Variants in MB21D2 observed in about 807,000 individuals in gnomAD.
MB21D2 encodes Mab-21 domain containing 2.
A neutral mutation model predicts 33.3 loss-of-function variants in MB21D2; 9 were observed. The observed-to-expected ratio is 0.27, with a 90% CI of 0.16 to 0.47. The LOEUF (loss-of-function observed/expected upper bound fraction) is 0.47, where lower values mean the gene tolerates loss of function less well. MB21D2 is among the 20% of genes least tolerant of loss of function. MB21D2 has a pLI of 0.99. For synonymous variants in MB21D2, 241 were observed against 236.3 expected, an observed-to-expected ratio of 1.02 and a Z score of -0.18; for missense variants, 540 against 624.6, an observed-to-expected ratio of 0.86 and a Z score of 1.44.
intron 1 of MB21D2, among the ~76,000 whole-genome samples, chr3:192,902,824 C>A (rs926541354): frequency 1.3e-5 from 2 of 152,210 alleles, no homozygotes; most frequent in Non-Finnish European, 2.9e-5. Flanking sequence ...CAGGCCGGTC[C>A]TATAGTCCAG....
chr3:192,810,782 T>C (rs1711767428), intron 1 of MB21D2, among the ~76,000 whole-genome samples: 1 of 152,282 alleles, frequency 6.6e-6, no homozygotes, highest in Admixed American at 6.5e-5. Flanking sequence ...CTAAAGACTT[T>C]TTAAGTATAA....
At chr3:192,892,195 T>C (rs1402690837) in intron 1 of MB21D2, among the ~76,000 whole-genome samples, 1 of 152,194 alleles carries the variant, frequency 6.6e-6, no homozygotes, top group Non-Finnish European at 1.5e-5. Flanking sequence ...CCACTGCCCG[T>C]GAGGCAGGGT....
rs1168606825 is a variant in MB21D2, at chr3:192,917,799, C to T, written c.42G>A (p.Leu14=). The T allele has an allele frequency of 6.2e-7, 1 of 1,612,756 alleles. No individual in the cohort carries two copies. The highest frequency in any genetic ancestry group is 1.7e-5 in the Admixed American group (1 of 60,020). The change falls in exon 1 of 2, where the codon CTG becomes CTA. Residue 14 remains leucine (L), a synonymous_variant. Transcript: ENST00000392452. Reference sequence around the variant, plus strand: ...GGAACGCAGGCTTGTTGTTACAGCCCAGGGAGGCTGCCTTGTTGGCGGTGG... The same window carrying T: ...GGAACGCAGGCTTGTTGTTACAGCCTAGGGAGGCTGCCTTGTTGGCGGTGG... ...AAPTANKAAS[L]GCNNKPAFPE... is the part of the protein sequence containing the mutation.
At position 192,798,484 on chromosome 3, in the gene MB21D2, G is replaced by C. The variant is rs1317673621; in HGVS notation, c.1378C>G (p.Gln460Glu). 6.2e-7 allele frequency: 1 copy of C among 1,614,064 alleles called. No individual in the cohort carries two copies. Among genetic ancestry groups the C allele is most frequent in the African/African-American group, 1.3e-5 (1 of 74,918 alleles). The change falls in exon 2 of 2, where the codon CAG becomes GAG. Residue 460 changes from glutamine (Q) to glutamate (E), a missense_variant. Gln to Glu is a conservative substitution (Grantham distance 29). Transcript: ENST00000392452. The surrounding 1 kb of genome is among the most constrained non-coding windows in gnomAD (Gnocchi z 4.8). ...TTTCCCGGGTTCTCAGTCACTAGCTGCTGCAGTTTTTTTGCCAAACGGTCA... is the reference window on the plus strand; with the variant it reads ...TTTCCCGGGTTCTCAGTCACTAGCTCCTGCAGTTTTTTTGCCAAACGGTCA... ...PDDRLAKKLQQLVTENPGKSI... is the reference protein window; with the variant it reads ...PDDRLAKKLQELVTENPGKSI...
intron 1 of MB21D2, among the ~76,000 whole-genome samples, chr3:192,882,872 C>T (rs1287457438): frequency 6.6e-6 from 1 of 151,940 alleles, no homozygotes; most frequent in East Asian, 1.9e-4. Context: ...GTAGCTGGGA[C>T]TACAGGTGCC....
Position 192,902,210 on chromosome 3 carries a change from T to G in MB21D2, c.211+15420A>C, listed in dbSNP as rs540260331. ...CCGGCTTTCAGGAGATCAAAACCATTATCTTTTCCACTCTGCCCACTACCC... is the reference window on the plus strand; with the variant it reads ...CCGGCTTTCAGGAGATCAAAACCATGATCTTTTCCACTCTGCCCACTACCC... On this transcript the variant is annotated intron_variant, in intron 1 of 1. Coordinates refer to ENST00000392452, the MANE Select transcript of MB21D2 (RefSeq NM_178496.4). Among the ~76,000 whole-genome samples, 143 of 152,224 alleles carry G rather than the reference T, an allele frequency of 9.4e-4. 1 individual carries two copies. Among genetic ancestry groups the G allele is most frequent in the Middle Eastern group, 6.8e-3 (2 of 294 alleles).
chr3:192,916,488 T>C (rs1377130637), intron 1 of MB21D2, among the ~76,000 whole-genome samples: 3 of 152,228 alleles, frequency 2.0e-5, no homozygotes, highest in Admixed American at 6.5e-5. Context: ...ACCTGGAAAA[T>C]TGGCTTATCT....
chr3:192,908,863 T>C (rs1483547085), intron 1 of MB21D2, among the ~76,000 whole-genome samples: 1 of 152,134 alleles, frequency 6.6e-6, no homozygotes, highest in African/African-American at 2.4e-5. Flanking sequence ...ACATGGATCC[T>C]CTCGACAGAC....
intron 1 of MB21D2, among the ~76,000 whole-genome samples, chr3:192,905,560 C>T (rs1176777770): frequency 6.6e-6 from 1 of 150,408 alleles, no homozygotes; most frequent in Non-Finnish European, 1.5e-5. Context: ...TCGCTTGAAC[C>T]CGGGAGGCAG....
chr3:192,817,887 G>A, intron 1 of MB21D2, among the ~76,000 whole-genome samples: 1 of 118,420 alleles, frequency 8.4e-6, no homozygotes, highest in African/African-American at 3.1e-5. Flanking sequence ...CCCACTCTGA[G>A]GCCAATCTCC....
intron 1 of MB21D2, among the ~76,000 whole-genome samples, chr3:192,821,741 T>C (rs911730985): frequency 2.6e-5 from 4 of 152,010 alleles, no homozygotes; most frequent in African/African-American, 4.8e-5. Flanking sequence ...ACAGTGGGAG[T>C]TGGATTCAGA....
Position 192,798,586 on chromosome 3 carries a change from G to T in MB21D2, c.1276C>A (p.Leu426Met). The T allele has an allele frequency of 6.2e-7, 1 of 1,614,134 alleles. No individual in the cohort carries two copies. The highest frequency in any genetic ancestry group is 1.7e-5 in the Admixed American group (1 of 60,032). The part of the protein sequence containing the change: ...EHVKAANRLT[L>M]ELQRRGSTTS... Reference sequence around the variant, plus strand: ...GTGCTACCTCGCCTCTGGAGCTCCAGTGTCAGCCGGTTGGCTGCCTTGACA... The same window carrying T: ...GTGCTACCTCGCCTCTGGAGCTCCATTGTCAGCCGGTTGGCTGCCTTGACA... The change falls in exon 2 of 2, where the codon CTG (leucine) becomes ATG (methionine). Residue 426 changes from leucine to methionine, a missense_variant. Leu to Met is a conservative substitution (Grantham distance 15). Coordinates refer to ENST00000392452, the MANE Select transcript of MB21D2 (RefSeq NM_178496.4). This position sits in a 1 kb window ranked among gnomAD's most constrained non-coding sequence, Gnocchi z 4.8.
chr3:192,835,148 G>A (rs1577177734), intron 1 of MB21D2, among the ~76,000 whole-genome samples: 1 of 67,850 alleles, frequency 1.5e-5, no homozygotes, highest in Admixed American at 1.4e-4. Context: ...TTTAGAAAGT[G>A]TCTTTAAAAA....
rs1711516915 is a variant in MB21D2, at chr3:192,799,662, GA to G, written c.212-13del. 4 of 1,598,990 alleles carry G rather than the reference GA, an allele frequency of 2.5e-6. No homozygotes were observed. The East Asian group carries it at 8.9e-5, about 36-fold the overall frequency. On this transcript the variant is annotated splice_polypyrimidine_tract_variant and intron_variant, in intron 1 of 1. Transcript: ENST00000392452. This position sits in a 1 kb window ranked among gnomAD's most constrained non-coding sequence, Gnocchi z 4.1. ...CTTTTGCACCATTCCTGGAAATAAAGAAGAAAAAAACAACACTATTACAGGA... is the reference window on the plus strand; with the variant it reads ...CTTTTGCACCATTCCTGGAAATAAAGAGAAAAAAACAACACTATTACAGGA...
rs112404939 is a variant in MB21D2, at chr3:192,816,212, A to AT, written c.212-16563dup. On this transcript the variant is annotated intron_variant, in intron 1 of 1. Transcript: ENST00000392452. ...GAAGTGGCAAAAAGACGAGAGGACA[A>AT]TTTTTTTTTTTAAAAAAAAAGATGG... 7.3e-3 allele frequency among the ~76,000 whole-genome samples: 884 copies of AT among 120,542 alleles called. 6 individuals are homozygous for AT. The highest frequency in any genetic ancestry group is 0.017 in the Middle Eastern group (4 of 236). 79.1% of individuals were successfully genotyped at this position (120,542 alleles called of 152,430 possible). A position where few individuals can be genotyped will look rare whatever the true frequency, so the allele number is the denominator to read the frequency against.
chr3:192,877,309 C>G (rs1043699069), intron 1 of MB21D2, among the ~76,000 whole-genome samples: 1 of 152,010 alleles, frequency 6.6e-6, no homozygotes, highest in African/African-American at 2.4e-5. Flanking sequence ...CTCATTAAAA[C>G]AAACCAAAAA....
At chr3:192,815,793 T>A (rs191763290) in intron 1 of MB21D2, among the ~76,000 whole-genome samples, 5 of 152,370 alleles carry the variant, frequency 3.3e-5, no homozygotes, top group Admixed American at 2.0e-4. Flanking sequence ...GCTAGATTTC[T>A]GCTATTTTTT....
chr3:192,862,843 GA>G (rs1713079693), intron 1 of MB21D2, among the ~76,000 whole-genome samples: 1 of 152,224 alleles, frequency 6.6e-6, no homozygotes, highest in Non-Finnish European at 1.5e-5. Flanking sequence ...TTGAGGCTGG[GA>G]AGTCCAAAGT....
intron 1 of MB21D2, among the ~76,000 whole-genome samples, chr3:192,878,192 C>T (rs904351937): frequency 6.8e-6 from 1 of 147,536 alleles, no homozygotes; most frequent in African/African-American, 2.6e-5. Context: ...CTCCGCCTCG[C>T]GGGTTCACGC....
Sources: gnomAD v4.1 joint callset for allele counts (sites outside exome capture counted in the v4.1 genomes callset) on GRCh38, gnomAD v4.1.1 for gene constraint, Gnocchi (gnomAD v3.1) non-coding constraint, MANE v1.5 for transcripts, NCBI Gene and HGNC (gene_info 2026-07-23, HGNC 2026-07-21) for gene names.